The following CCDC150 variants were observed in gnomAD, a reference collection of about 807,000 sequenced individuals.
The protein encoded by CCDC150 is coiled-coil domain-containing protein 150.
In CCDC150, 151 loss-of-function variants were observed where a neutral mutation model predicts 156.5. The ratio of observed to expected loss-of-function variants is 0.97; its 90% CI spans 0.85 to 1.10. The LOEUF is 1.10. Among genes scored for constraint, CCDC150 ranks in the 50% least tolerant of loss-of-function variants. The probability of loss-of-function intolerance (pLI) is 0.00; values close to 1 mark genes in which losing one functional copy is unlikely to be tolerated. For synonymous variants in CCDC150, 452 were observed against 429.4 expected, an observed-to-expected ratio of 1.05 and a Z score of -0.65; for missense variants, 1,312 against 1,268.1, an observed-to-expected ratio of 1.03 and a Z score of -0.53.
chr2:196,672,208 A>G, intron 8 of CCDC150, 137 bp from the exon 9 acceptor site: 1 of 428,874 alleles, frequency 2.3e-6, no homozygotes. Flanking sequence ...TACATTCTTT[A>G]TAAGACATTT....
chr2:196,732,708 A>G lies in CCDC150; in HGVS notation c.*146A>G. ...ATTTTGGACCTGAGTTTATCACTTT[A>G]TGAACTCTTATATCAGTACAAAACT... On this transcript the variant is annotated 3_prime_UTR_variant, in exon 28 of 28. Coordinates refer to ENST00000389175, the MANE Select transcript of CCDC150 (RefSeq NM_001080539.2). 1 of 603,166 alleles carries G rather than the reference A, an allele frequency of 1.7e-6. No individual in the cohort carries two copies. Among genetic ancestry groups the G allele is most frequent in the South Asian group, 1.9e-5 (1 of 52,306 alleles). 37.4% of individuals were successfully genotyped at this position (603,166 alleles called of 1,614,324 possible).
At chr2:196,715,024 GAC>G (rs1697408361) in intron 17 of CCDC150, among the ~76,000 whole-genome samples, 2 of 152,156 alleles carry the variant, frequency 1.3e-5, no homozygotes, top group African/African-American at 4.8e-5. Flanking sequence ...GTGGGGAAAA[GAC>G]ATCCTCCTTT....
chr2:196,643,672 A>G (rs548039339), intron 1 of CCDC150, among the ~76,000 whole-genome samples: 5 of 152,330 alleles, frequency 3.3e-5, no homozygotes, highest in Admixed American at 6.5e-5. Context: ...TATGAGTATT[A>G]GTATTATGTG....
At chr2:196,657,328 A>C (rs999522984) in intron 4 of CCDC150, 192 bp downstream of exon 4, 1 of 550,118 alleles carries the variant, frequency 1.8e-6, no homozygotes. Context: ...ACTGTGTGCT[A>C]TCTGTGATTG....
At position 196,656,795 on chromosome 2, in the gene CCDC150, C is replaced by T. The variant is rs750339292; in HGVS notation, c.339C>T (p.Ser113=). Residue 113 remains serine (S), a synonymous_variant, in exon 3 of 28, where the codon TCC becomes TCT. Transcript: ENST00000389175. ...RMCRLESLMQ[S]LKMNIFRLQT... is the part of the protein sequence containing the mutation. ...GCCGTCTTGAAAGCCTCATGCAGTC[C>T]TTGAAGATGAACATCTTTCGGCTGC... The T allele has an allele frequency of 8.1e-6, 13 of 1,613,708 alleles. No individual in the cohort carries two copies. Among genetic ancestry groups the T allele is most frequent in the South Asian group, 1.1e-5 (1 of 91,084 alleles).
At chr2:196,690,293 T>A (rs917701044) in intron 13 of CCDC150, among the ~76,000 whole-genome samples, 2 of 151,830 alleles carry the variant, frequency 1.3e-5, no homozygotes, top group Admixed American at 6.6e-5. Context: ...AATGATGAGT[T>A]AATGGGTGCA....
At chr2:196,709,582 G>A (rs935355642) in intron 15 of CCDC150, among the ~76,000 whole-genome samples, 1 of 152,122 alleles carries the variant, frequency 6.6e-6, no homozygotes, top group East Asian at 1.9e-4. Context: ...GGGGAGAAGA[G>A]GCACTCTGGT....
At chr2:196,654,935 G>A (rs1260140426) in intron 2 of CCDC150, among the ~76,000 whole-genome samples, 1 of 152,118 alleles carries the variant, frequency 6.6e-6, no homozygotes, top group Non-Finnish European at 1.5e-5. Flanking sequence ...TGTACAATCT[G>A]ATATCTCTGT....
Position 196,729,802 on chromosome 2 carries a change from A to C in CCDC150, c.2761A>C (p.Lys921Gln). The C allele has an allele frequency of 1.3e-6, 2 of 1,574,648 alleles. No individual in the cohort carries two copies. The highest frequency in any genetic ancestry group is 1.7e-6 in the Non-Finnish European group (2 of 1,153,760). The change falls in exon 24 of 28, where the codon AAA (lysine) becomes CAA (glutamine). Residue 921 changes from lysine (K) to glutamine (Q), a missense_variant. Physicochemically the swap from Lys to Gln is moderately conservative, Grantham distance 53 (BLOSUM62 1). Transcript: ENST00000389175. ...QNIERMKQIE[K>Q]ELKQMELIKD... Reference sequence around the variant, plus strand: ...TTCCAATTACTTTTAGCAAATAGAAAAAGAATTGAAGCAAATGGAGCTAAT... The same window carrying C: ...TTCCAATTACTTTTAGCAAATAGAACAAGAATTGAAGCAAATGGAGCTAAT...
At chr2:196,653,047 C>T (rs1692974977) in intron 2 of CCDC150, among the ~76,000 whole-genome samples, 1 of 152,240 alleles carries the variant, frequency 6.6e-6, no homozygotes, top group South Asian at 2.1e-4. Context: ...ACCATTCTTT[C>T]ATCCTAGGCC....
intron 7 of CCDC150, 29 bp downstream of exon 7, chr2:196,666,877 T>A (rs775245604): frequency 1.2e-6 from 2 of 1,612,508 alleles, no homozygotes; most frequent in Non-Finnish European, 1.7e-6. Context: ...GAAATCACCC[T>A]CTTGTTAGTT....
At chr2:196,668,647 A>G (rs1341392479) in intron 7 of CCDC150, among the ~76,000 whole-genome samples, 3 of 152,210 alleles carry the variant, frequency 2.0e-5, no homozygotes, top group Non-Finnish European at 4.4e-5. Context: ...CTACATTAAT[A>G]AAAGGAATGC....
rs1694525189 is a variant in CCDC150 at position 196,676,689 on chromosome 2, G to C, written c.1398G>C (p.Glu466Asp). The C allele has an allele frequency of 6.2e-7, 1 of 1,613,160 alleles. No homozygotes were observed. Among genetic ancestry groups the C allele is most frequent in the East Asian group, 2.2e-5 (1 of 44,874 alleles). ...LRGELEASMQ[E>D]KKSLLEEKER... ...GTGAATTGGAAGCATCAATGCAAGAGAAGAAGTCTCTGCTAGAGGAGAAAG... is the reference window on the plus strand; with the variant it reads ...GTGAATTGGAAGCATCAATGCAAGACAAGAAGTCTCTGCTAGAGGAGAAAG... The change falls in exon 12 of 28, where the codon GAG (glutamate) becomes GAC (aspartate). Residue 466 changes from glutamate (E) to aspartate (D), a missense_variant. Glu to Asp is a conservative substitution (Grantham distance 45). Coordinates refer to ENST00000389175, the MANE Select transcript of CCDC150 (RefSeq NM_001080539.2).
intron 26 of CCDC150, among the ~76,000 whole-genome samples, chr2:196,731,651 C>T (rs553610805): frequency 6.6e-6 from 1 of 152,166 alleles, no homozygotes; most frequent in African/African-American, 2.4e-5. Context: ...TCCCAAAGTG[C>T]TGTGATTCCA....
Position 196,663,441 on chromosome 2 carries a change from AT to A in CCDC150, c.646-2122del, listed in dbSNP as rs1335734867. 2.0e-5 allele frequency among the ~76,000 whole-genome samples: 3 copies of A among 151,992 alleles called. No individual in the cohort carries two copies. In the East Asian group the frequency reaches 5.8e-4, roughly 29 times the overall value. ...ATTGGATCAGAAGAGATTTAAGAAA[AT>A]TTTAATACATAGTACTGATGAGATT... is the stretch of plus-strand genomic sequence containing the variant. On this transcript the variant is annotated intron_variant, in intron 5 of 27. Coordinates refer to ENST00000389175, the MANE Select transcript of CCDC150 (RefSeq NM_001080539.2).
chr2:196,666,908 A>G (rs1287964742), intron 7 of CCDC150, 60 bp downstream of exon 7: 1 of 1,586,470 alleles, frequency 6.3e-7, no homozygotes, highest in Admixed American at 1.7e-5. Context: ...TCATGGAAAA[A>G]CTCTTAAGAT....
intron 22 of CCDC150, among the ~76,000 whole-genome samples, chr2:196,728,571 G>A (rs772000554): frequency 1.1e-4 from 16 of 151,862 alleles, no homozygotes; most frequent in Non-Finnish European, 1.9e-4. Context: ...TTTTTTTCAC[G>A]AGAGAAGTTT....
chr2:196,664,878 T>C lies in CCDC150; in HGVS notation c.646-689T>C, dbSNP rs186865839. Among the ~76,000 whole-genome samples the C allele has an allele frequency of 1.2e-4, 19 of 152,232 alleles. No homozygotes were observed. In the East Asian group the frequency reaches 3.5e-3, roughly 28 times the overall value. On this transcript the variant is annotated intron_variant, in intron 5 of 27. Transcript: ENST00000389175. Reference sequence around the variant, plus strand: ...AGGAACGAGGGTCAGAAATGAAATATATATTTCTTATTATATCACAATAGC... The same window carrying C: ...AGGAACGAGGGTCAGAAATGAAATACATATTTCTTATTATATCACAATAGC...
intron 17 of CCDC150, chr2:196,713,656 A>G (rs1178317525): frequency 2.9e-5 from 41 of 1,416,618 alleles, no homozygotes; most frequent in Non-Finnish European, 3.8e-5. Flanking sequence ...TAAATGATGA[A>G]TCACCAAATT....
Sources: gnomAD v4.1 joint callset for allele counts (sites outside exome capture counted in the v4.1 genomes callset) on GRCh38, gnomAD v4.1.1 for gene constraint, MANE v1.5 for transcripts, NCBI Gene and HGNC (gene_info 2026-07-23, HGNC 2026-07-21) for gene names.